The following SLC24A3 variants were observed in gnomAD, a reference collection of about 807,000 sequenced individuals.
The protein encoded by SLC24A3 is solute carrier family 24 member 3, also known as sodium/potassium/calcium exchanger 3.
A neutral mutation model predicts 75.8 loss-of-function variants in SLC24A3; 28 were observed. That is an observed-to-expected ratio of 0.37 (90% CI 0.27 to 0.51). The LOEUF (loss-of-function observed/expected upper bound fraction) is 0.51. SLC24A3 is among the 20% of genes least tolerant of loss of function. The pLI is 0.94. For missense variants in SLC24A3, 663 were observed against 847.8 expected (o/e 0.78, Z 2.71); for synonymous variants, 372 against 334.1 (o/e 1.11, Z -1.24).
intron 2 of SLC24A3, among the ~76,000 whole-genome samples, chr20:19,387,291 T>G (rs1470177069): frequency 6.6e-6 from 1 of 152,090 alleles, no homozygotes; most frequent in East Asian, 1.9e-4. Context: ...ACCAGCTTTT[T>G]GTTTTATGTA....
At chr20:19,674,839 A>C (rs766024286) in intron 9 of SLC24A3, among the ~76,000 whole-genome samples, 1 of 152,088 alleles carries the variant, frequency 6.6e-6, no homozygotes, top group African/African-American at 2.4e-5. Flanking sequence ...GATCACTTGA[A>C]ATCAGGAGTT....
intron 2 of SLC24A3, among the ~76,000 whole-genome samples, chr20:19,505,666 G>A (rs1033385285): frequency 9.9e-5 from 15 of 152,082 alleles, no homozygotes; most frequent in Admixed American, 3.3e-4. Context: ...ACACCTCAGC[G>A]TTATCTCATC....
intron 9 of SLC24A3, among the ~76,000 whole-genome samples, chr20:19,678,305 C>T (rs1401663446): frequency 7.3e-6 from 1 of 137,548 alleles, no homozygotes. Context: ...CACCCCTCAC[C>T]TCCCAGACGG....
intron 2 of SLC24A3, among the ~76,000 whole-genome samples, chr20:19,361,812 G>T (rs1227324439): frequency 6.6e-6 from 1 of 152,162 alleles, no homozygotes; most frequent in Admixed American, 6.5e-5. Flanking sequence ...TGTTGTCATA[G>T]AATCTAGGTG....
At chr20:19,474,679 A>G (rs750242725) in intron 2 of SLC24A3, among the ~76,000 whole-genome samples, 3 of 152,236 alleles carry the variant, frequency 2.0e-5, no homozygotes, top group Non-Finnish European at 4.4e-5. Context: ...GGGGATGATT[A>G]AATCAAGCTA....
At chr20:19,413,002 A>G (rs1283892170) in intron 2 of SLC24A3, among the ~76,000 whole-genome samples, 2 of 152,216 alleles carry the variant, frequency 1.3e-5, no homozygotes, top group Non-Finnish European at 2.9e-5. Context: ...GGTTGCTATC[A>G]TAATGCGTCA....
At chr20:19,455,734 C>T (rs1022428027) in intron 2 of SLC24A3, among the ~76,000 whole-genome samples, 66 of 152,218 alleles carry the variant, frequency 4.3e-4, no homozygotes, top group South Asian at 2.1e-4. Context: ...GGGCCACCTT[C>T]GGGGCTCTGT....
At chr20:19,518,037 CA>C (rs1446327272) in intron 3 of SLC24A3, among the ~76,000 whole-genome samples, 24 of 152,334 alleles carry the variant, frequency 1.6e-4, no homozygotes, top group Admixed American at 1.3e-3. Flanking sequence ...TGGAGTTGGA[CA>C]GTCACTTTTT....
chr20:19,619,241 G>T (rs918938801), intron 6 of SLC24A3, among the ~76,000 whole-genome samples: 9 of 152,100 alleles, frequency 5.9e-5, no homozygotes, highest in Admixed American at 6.6e-5. Context: ...TCCTTGGTTT[G>T]CTCTCTCTCT....
At chr20:19,630,149 A>G (rs1040904193) in intron 6 of SLC24A3, among the ~76,000 whole-genome samples, 6 of 152,242 alleles carry the variant, frequency 3.9e-5, no homozygotes, top group Admixed American at 3.3e-4. Context: ...ATGAAAAGCC[A>G]CTATGGCTAT....
At chr20:19,223,149 G>C (rs923830301) in intron 1 of SLC24A3, among the ~76,000 whole-genome samples, 4 of 152,020 alleles carry the variant, frequency 2.6e-5, no homozygotes, top group African/African-American at 7.2e-5. Flanking sequence ...AAAATTAACT[G>C]GGTGAAGTGG....
intron 6 of SLC24A3, among the ~76,000 whole-genome samples, chr20:19,630,047 T>C (rs980306835): frequency 1.3e-5 from 2 of 152,312 alleles, no homozygotes; most frequent in South Asian, 4.1e-4. Context: ...AATTCTGGTA[T>C]AGAATTTAAA....
intron 9 of SLC24A3, among the ~76,000 whole-genome samples, chr20:19,677,686 C>CTTTTT (rs796484728): frequency 8.8e-6 from 1 of 113,930 alleles, no homozygotes; most frequent in African/African-American, 3.3e-5. Flanking sequence ...TTTTTTTTTT[C>CTTTTT]TTTTTTTTTT....
At chr20:19,247,668 G>A (rs761055461) in intron 1 of SLC24A3, among the ~76,000 whole-genome samples, 6 of 152,164 alleles carry the variant, frequency 3.9e-5, no homozygotes, top group Non-Finnish European at 8.8e-5. Flanking sequence ...TGAAGACTTC[G>A]TACAAAAGAA....
intron 2 of SLC24A3, among the ~76,000 whole-genome samples, chr20:19,461,625 T>A (rs1286521217): frequency 7.0e-6 from 1 of 143,464 alleles, no homozygotes; most frequent in Non-Finnish European, 1.5e-5. Flanking sequence ...CTCCACCCCC[T>A]GGGCTCAAGT....
chr20:19,528,841 C>A (rs1038937754), intron 3 of SLC24A3, among the ~76,000 whole-genome samples: 1 of 152,178 alleles, frequency 6.6e-6, no homozygotes, highest in African/African-American at 2.4e-5. Flanking sequence ...GCATCAGAAG[C>A]TTTCATGGGA....
At chr20:19,600,446 T>A (rs1013498735) in intron 6 of SLC24A3, among the ~76,000 whole-genome samples, 1 of 152,068 alleles carries the variant, frequency 6.6e-6, no homozygotes, top group African/African-American at 2.4e-5. Context: ...TTTATGACAA[T>A]AAAATAAAAG....
intron 2 of SLC24A3, among the ~76,000 whole-genome samples, chr20:19,473,891 T>TGGCC (rs1987917039): frequency 6.6e-6 from 1 of 152,242 alleles, no homozygotes. Context: ...CTGCAGAGAC[T>TGGCC]TCTAATTAAA....
intron 6 of SLC24A3, among the ~76,000 whole-genome samples, chr20:19,597,402 A>C (rs1338817278): frequency 6.6e-6 from 1 of 152,172 alleles, no homozygotes; most frequent in Non-Finnish European, 1.5e-5. Context: ...AAATAACCCC[A>C]AAAATAAAAT....
Sources: gnomAD v4.1 joint callset for allele counts (sites outside exome capture counted in the v4.1 genomes callset) on GRCh38, gnomAD v4.1.1 for gene constraint, MANE v1.5 for transcripts, NCBI Gene and HGNC (gene_info 2026-07-23, HGNC 2026-07-21) for gene names.